Variants in FNDC3B observed in about 807,000 individuals in gnomAD.
The protein encoded by FNDC3B is fibronectin type III domain-containing protein 3B.
Under a neutral mutation model 151.5 loss-of-function variants are expected in FNDC3B, and 12 were observed. The ratio of observed to expected loss-of-function variants is 0.08; its 90% CI spans 0.05 to 0.13. The LOEUF (loss-of-function observed/expected upper bound fraction) is 0.13. Ranked by LOEUF, FNDC3B falls within the 10% of genes least tolerant of loss-of-function variation. The probability of loss-of-function intolerance (pLI) is 1.00; values close to 1 mark genes in which losing one functional copy is unlikely to be tolerated. For missense variants in FNDC3B, 1,214 were observed against 1,505.3 expected, an observed-to-expected ratio of 0.81 and a Z score of 3.20; for synonymous variants, 528 against 549.0, an observed-to-expected ratio of 0.96 and a Z score of 0.54.
At chr3:172,367,543 C>T (rs1301540555) in intron 23 of FNDC3B, among the ~76,000 whole-genome samples, 1 of 152,198 alleles carries the variant, frequency 6.6e-6, no homozygotes, top group Non-Finnish European at 1.5e-5. Flanking sequence ...TAAACATTTC[C>T]ATAAAGCTGC....
intron 3 of FNDC3B, among the ~76,000 whole-genome samples, chr3:172,217,084 CTCCATAAT>C (rs11280015): frequency 0.8 from 120,662 of 151,444 alleles, 48,218 homozygotes; most frequent in Middle Eastern, 0.9. Flanking sequence ...ATGCCATTCT[CTCCATAAT>C]TAAGAACAGA....
intron 15 of FNDC3B, among the ~76,000 whole-genome samples, chr3:172,336,670 G>A (rs894914212): frequency 2.2e-4 from 33 of 150,508 alleles, no homozygotes; most frequent in African/African-American, 8.0e-4. Flanking sequence ...GGAGGCTGAG[G>A]CAAGTGGATC....
intron 21 of FNDC3B, among the ~76,000 whole-genome samples, chr3:172,351,012 A>G (rs1485648642): frequency 1.3e-5 from 2 of 152,240 alleles, no homozygotes; most frequent in African/African-American, 4.8e-5. Context: ...TTTTGATAAC[A>G]TTTATTGAAC....
At chr3:172,379,391 C>T (rs185761246) in intron 24 of FNDC3B, among the ~76,000 whole-genome samples, 5 of 152,368 alleles carry the variant, frequency 3.3e-5, no homozygotes, top group Admixed American at 3.3e-4. Flanking sequence ...TCTCTACTCC[C>T]ACATGAAGGA....
intron 9 of FNDC3B, 27 bp downstream of exon 9, chr3:172,298,814 G>A (rs749357979): frequency 1.3e-6 from 2 of 1,551,442 alleles, no homozygotes; most frequent in South Asian, 2.4e-5. Flanking sequence ...GAGCCAAACT[G>A]TATTGGAGAA....
At chr3:172,196,461 G>A (rs1381693089) in intron 3 of FNDC3B, among the ~76,000 whole-genome samples, 8 of 152,068 alleles carry the variant, frequency 5.3e-5, no homozygotes, top group African/African-American at 1.9e-4. Flanking sequence ...ACTGGGATTA[G>A]AGTCTCCCAG....
chr3:172,201,878 A>T (rs192279231), intron 3 of FNDC3B, among the ~76,000 whole-genome samples: 3 of 152,226 alleles, frequency 2.0e-5, no homozygotes, highest in African/African-American at 2.4e-5. Context: ...ATATGCTGGT[A>T]TGAAAAGTTA....
At chr3:172,137,652 G>GA (rs886632563) in intron 3 of FNDC3B, among the ~76,000 whole-genome samples, 43 of 150,324 alleles carry the variant, frequency 2.9e-4, no homozygotes, top group East Asian at 2.3e-3. Context: ...TATTAAAAAA[G>GA]AAAAAAAAAT....
At chr3:172,276,714 A>G (rs79120790) in intron 6 of FNDC3B, among the ~76,000 whole-genome samples, 3 of 152,202 alleles carry the variant, frequency 2.0e-5, no homozygotes, top group Non-Finnish European at 4.4e-5. Context: ...TCTGTAAACA[A>G]TTCTTCCCCA....
intron 11 of FNDC3B, among the ~76,000 whole-genome samples, chr3:172,323,911 A>G (rs2095634238): frequency 6.6e-6 from 1 of 152,192 alleles, no homozygotes; most frequent in Admixed American, 6.5e-5. Context: ...CTCATAGAGT[A>G]TGTAGTATTC....
intron 23 of FNDC3B, among the ~76,000 whole-genome samples, chr3:172,372,400 G>T (rs1375147496): frequency 1.3e-5 from 2 of 152,174 alleles, no homozygotes; most frequent in East Asian, 3.8e-4. Context: ...ATATGCCTCA[G>T]CCTGAACTCA....
At chr3:172,188,804 A>G (rs559692637) in intron 3 of FNDC3B, among the ~76,000 whole-genome samples, 4 of 152,196 alleles carry the variant, frequency 2.6e-5, no homozygotes, top group East Asian at 3.9e-4. Context: ...TTTGGATTCT[A>G]TATCTTCAGT....
At chr3:172,255,966 T>C (rs1393241324) in intron 6 of FNDC3B, among the ~76,000 whole-genome samples, 1 of 152,254 alleles carries the variant, frequency 6.6e-6, no homozygotes, top group Non-Finnish European at 1.5e-5. Flanking sequence ...GGCCACCTTA[T>C]GGTTTAAGAT....
rs1716005581 is a variant in FNDC3B, at chr3:172,040,888, C to T, written c.-29+1117C>T. 6.6e-6 allele frequency among the ~76,000 whole-genome samples: 1 copy of T among 152,110 alleles called. No homozygotes were observed. Among genetic ancestry groups the T allele is most frequent in the African/African-American group, 2.4e-5 (1 of 41,428 alleles). On this transcript the variant is annotated intron_variant, in intron 1 of 25. Coordinates refer to ENST00000415807, the MANE Select transcript of FNDC3B (RefSeq NM_022763.4). This position sits in a 1 kb window ranked among gnomAD's most constrained non-coding sequence, Gnocchi z 6.6. ...GCCGTCTCGGGAGACTGGGCTGCGC[C>T]GCCCGGCGGCGCCTTTGGCGGGGAG...
chr3:172,255,941 G>A (rs116416290), intron 6 of FNDC3B, among the ~76,000 whole-genome samples: 2,728 of 152,296 alleles, frequency 0.018, 38 homozygotes, highest in Admixed American at 0.026. Flanking sequence ...TGAACCTTAA[G>A]AGACTGCCCA....
At chr3:172,269,472 G>A (rs1295551052) in intron 6 of FNDC3B, among the ~76,000 whole-genome samples, 1 of 147,534 alleles carries the variant, frequency 6.8e-6, no homozygotes, top group African/African-American at 2.5e-5. Context: ...GTCTTGCTAT[G>A]TTGCCCAGGC....
chr3:172,084,424 C>G (rs1718441250), intron 1 of FNDC3B, among the ~76,000 whole-genome samples: 1 of 85,264 alleles, frequency 1.2e-5, no homozygotes, highest in Non-Finnish European at 2.5e-5. Flanking sequence ...GCACTCCAAC[C>G]TGGTGACAGA....
chr3:172,188,878 A>C (rs1357839478), intron 3 of FNDC3B, among the ~76,000 whole-genome samples: 2 of 152,170 alleles, frequency 1.3e-5, no homozygotes, highest in African/African-American at 2.4e-5. Flanking sequence ...GGTATCTTAC[A>C]TTCCTTGCAA....
At chr3:172,152,010 C>T (rs1262866046) in intron 3 of FNDC3B, among the ~76,000 whole-genome samples, 2 of 152,202 alleles carry the variant, frequency 1.3e-5, no homozygotes, top group Non-Finnish European at 2.9e-5. Context: ...TGTGGATACT[C>T]AGTCCCTGTC....
Sources: gnomAD v4.1 joint callset for allele counts (sites outside exome capture counted in the v4.1 genomes callset) on GRCh38, gnomAD v4.1.1 for gene constraint, Gnocchi (gnomAD v3.1) non-coding constraint, MANE v1.5 for transcripts, NCBI Gene and HGNC (gene_info 2026-07-23, HGNC 2026-07-21) for gene names.